The following APP variants were observed in gnomAD, a reference collection of about 807,000 sequenced individuals.
APP encodes amyloid-beta precursor protein.
Under a neutral mutation model 101.4 loss-of-function variants are expected in APP, and 31 were observed. The observed-to-expected ratio is 0.31, with a 90% CI of 0.23 to 0.41. The LOEUF (loss-of-function observed/expected upper bound fraction) is 0.41. Ranked by LOEUF, APP falls within the 10% of genes least tolerant of loss-of-function variation. APP has a pLI of 1.00. For synonymous variants in APP, 366 were observed against 364.4 expected (o/e 1.00, Z -0.05); for missense variants, 839 against 1,003.7 (o/e 0.84, Z 2.22).
chr21:26,087,124 A>G (rs2061721080), intron 3 of APP, among the ~76,000 whole-genome samples: 1 of 152,236 alleles, frequency 6.6e-6, no homozygotes, highest in Middle Eastern at 3.4e-3. Context: ...TGCTCTACAT[A>G]CTCTACCAGG....
At chr21:25,982,820 T>C (rs1207919774) in intron 8 of APP, among the ~76,000 whole-genome samples, 2 of 152,220 alleles carry the variant, frequency 1.3e-5, no homozygotes, top group Non-Finnish European at 2.9e-5. Flanking sequence ...TTTCCTAAAT[T>C]ACTATTTTGC....
At chr21:26,122,153 T>C (rs1489484961) in intron 1 of APP, among the ~76,000 whole-genome samples, 1 of 152,234 alleles carries the variant, frequency 6.6e-6, no homozygotes, top group African/African-American at 2.4e-5. Flanking sequence ...ATACAGTTTC[T>C]ACCAGCTTTC....
At chr21:25,984,313 T>A (rs1196801978) in intron 8 of APP, among the ~76,000 whole-genome samples, 2 of 151,630 alleles carry the variant, frequency 1.3e-5, no homozygotes, top group Non-Finnish European at 2.9e-5. Context: ...TAACAAAAAA[T>A]AAATAAAATA....
At chr21:26,152,002 C>T (rs2063280957) in intron 1 of APP, among the ~76,000 whole-genome samples, 1 of 152,154 alleles carries the variant, frequency 6.6e-6, no homozygotes. Context: ...TCTGTCTGGG[C>T]ACGGTGGCTC....
intron 11 of APP, 92 bp downstream of exon 11, chr21:25,974,978 C>T: frequency 1.9e-6 from 3 of 1,558,496 alleles, no homozygotes; most frequent in Non-Finnish European, 2.6e-6. Flanking sequence ...CATTTCTCCT[C>T]ATTCTTTTTG....
intron 13 of APP, among the ~76,000 whole-genome samples, chr21:25,946,858 G>T (rs370024321): frequency 6.6e-6 from 1 of 152,010 alleles, no homozygotes; most frequent in African/African-American, 2.4e-5. Flanking sequence ...TTCTGCCAGC[G>T]TCCATTTGGA....
At chr21:26,123,184 T>C (rs942826032) in intron 1 of APP, among the ~76,000 whole-genome samples, 2 of 152,336 alleles carry the variant, frequency 1.3e-5, no homozygotes, top group South Asian at 2.1e-4. Context: ...ATTTACATTA[T>C]ATCGTCTGGT....
chr21:26,133,859 T>C (rs1011476025), intron 1 of APP, among the ~76,000 whole-genome samples: 2 of 152,190 alleles, frequency 1.3e-5, no homozygotes, highest in African/African-American at 2.4e-5. Context: ...GAAAATGCTC[T>C]TCCACCAAAA....
intron 3 of APP, among the ~76,000 whole-genome samples, chr21:26,085,071 A>C (rs2061676083): frequency 6.6e-6 from 1 of 152,248 alleles, no homozygotes; most frequent in African/African-American, 2.4e-5. Context: ...ATAAAATCAA[A>C]ATCACCTGTA....
intron 8 of APP, among the ~76,000 whole-genome samples, chr21:25,990,800 G>T (rs56105038): frequency 1 from 152,277 of 152,278 alleles, 76,138 homozygotes; most frequent in Non-Finnish European, 1. Context: ...AAATTATCAG[G>T]TATTGATAGC....
upstream of APP, chr21:26,170,881 G>A: frequency 7.8e-6 from 3 of 383,452 alleles, no homozygotes; most frequent in South Asian, 6.8e-5. Context: ...AACTGCGCCC[G>A]CTCGCGCCGG....
intron 5 of APP, among the ~76,000 whole-genome samples, chr21:26,036,768 A>T (rs1022077222): frequency 3.3e-5 from 5 of 152,354 alleles, no homozygotes; most frequent in African/African-American, 1.2e-4. Context: ...ATTTGAGGAT[A>T]GTATGGAGAT....
intron 5 of APP, among the ~76,000 whole-genome samples, chr21:26,042,915 T>TA (rs35250381): frequency 3.9e-4 from 58 of 147,824 alleles, no homozygotes; most frequent in East Asian, 1.2e-3. Flanking sequence ...ACCTGTCTCC[T>TA]AAAAAAAAAA....
intron 17 of APP, among the ~76,000 whole-genome samples, chr21:25,888,917 T>C (rs905592418): frequency 6.6e-6 from 1 of 152,196 alleles, no homozygotes; most frequent in African/African-American, 2.4e-5. Flanking sequence ...GTGTCAGGGA[T>C]TCTCAAATCC....
chr21:25,895,374 C>T (rs555020788), intron 16 of APP, among the ~76,000 whole-genome samples: 8 of 152,184 alleles, frequency 5.3e-5, no homozygotes, highest in African/African-American at 1.9e-4. Context: ...CCATGTTGGC[C>T]AGGATGCTCT....
chr21:26,103,638 T>C (rs920255847), intron 2 of APP, among the ~76,000 whole-genome samples: 2 of 152,114 alleles, frequency 1.3e-5, no homozygotes, highest in Non-Finnish European at 2.9e-5. Flanking sequence ...TATCAATGGA[T>C]AGAAATGGTC....
chr21:25,892,507 C>T lies in APP; in HGVS notation c.2065-639G>A, dbSNP rs567333922. On this transcript the variant is annotated intron_variant, in intron 16 of 17. Coordinates refer to ENST00000346798, the MANE Select transcript of APP (RefSeq NM_000484.4). The stretch of plus-strand genomic sequence containing the variant: ...GTAATTCTGCAGAATTCTAATTAAC[C>T]TTTAGCAGTGTAATGCTTTTTAAAG... Among the ~76,000 whole-genome samples the T allele has an allele frequency of 2.2e-4, 33 of 150,708 alleles. 1 individual carries two copies. The highest frequency in any genetic ancestry group is 2.7e-4 in the Non-Finnish European group (18 of 67,280).
chr21:25,941,991 A>G (rs1290948972), intron 13 of APP: 2 of 152,172 alleles, frequency 1.3e-5, no homozygotes, highest in African/African-American at 2.4e-5. Flanking sequence ...GGAAGAAGGT[A>G]TGTTTGTTGG....
chr21:25,989,002 G>A (rs2042753282), intron 8 of APP, among the ~76,000 whole-genome samples: 1 of 152,088 alleles, frequency 6.6e-6, no homozygotes, highest in African/African-American at 2.4e-5. Flanking sequence ...GTTTTCTGGG[G>A]TGAAGTAACA....
Sources: gnomAD v4.1 joint callset for allele counts (sites outside exome capture counted in the v4.1 genomes callset) on GRCh38, gnomAD v4.1.1 for gene constraint, MANE v1.5 for transcripts, NCBI Gene and HGNC (gene_info 2026-07-23, HGNC 2026-07-21) for gene names.